TMEM132B: variants seen among roughly 807,000 people sequenced by gnomAD.
TMEM132B encodes transmembrane protein 132B.
A neutral mutation model predicts 90.8 loss-of-function variants in TMEM132B; 18 were observed. That is an observed-to-expected ratio of 0.20 (90% CI 0.14 to 0.29). The LOEUF (loss-of-function observed/expected upper bound fraction) is 0.29, where lower values mean the gene tolerates loss of function less well. Among genes scored for constraint, TMEM132B ranks in the 10% least tolerant of loss-of-function variants. The probability of loss-of-function intolerance (pLI) is 1.00; values close to 1 mark genes in which losing one functional copy is unlikely to be tolerated. For missense variants in TMEM132B, 1,096 were observed against 1,326.8 expected, an observed-to-expected ratio of 0.83 and a Z score of 2.70; for synonymous variants, 504 against 523.3, an observed-to-expected ratio of 0.96 and a Z score of 0.50.
chr12:125,502,588 G>A (rs987574397), intron 3 of TMEM132B, among the ~76,000 whole-genome samples: 17 of 152,328 alleles, frequency 1.1e-4, no homozygotes, highest in Admixed American at 3.9e-4. Flanking sequence ...CAGTACTCTC[G>A]CGTGTTCAGA....
intron 1 of TMEM132B, among the ~76,000 whole-genome samples, chr12:125,226,412 C>A (rs1342439780): frequency 1.3e-5 from 2 of 152,218 alleles, no homozygotes; most frequent in African/African-American, 4.8e-5. Context: ...GTCTTAAGCT[C>A]TATATACACA....
At chr12:125,366,653 A>G (rs1424009609) in intron 2 of TMEM132B, among the ~76,000 whole-genome samples, 1 of 152,136 alleles carries the variant, frequency 6.6e-6, no homozygotes, top group African/African-American at 2.4e-5. Context: ...GGACTTTTAA[A>G]TGTTTATCCT....
intron 1 of TMEM132B, among the ~76,000 whole-genome samples, chr12:125,297,648 G>A (rs1248484831): frequency 6.6e-6 from 1 of 152,162 alleles, no homozygotes; most frequent in Non-Finnish European, 1.5e-5. Context: ...GATGCTCAAG[G>A]GTGAGGTCCT....
At chr12:125,338,816 C>CT (rs1877069322) in intron 1 of TMEM132B, among the ~76,000 whole-genome samples, 2 of 152,076 alleles carry the variant, frequency 1.3e-5, no homozygotes, top group Non-Finnish European at 2.9e-5. Flanking sequence ...AGGTTTTTTC[C>CT]TTTTTGTACT....
intron 5 of TMEM132B, among the ~76,000 whole-genome samples, chr12:125,602,017 C>T (rs370269208): frequency 4.7e-4 from 71 of 152,266 alleles, no homozygotes; most frequent in Middle Eastern, 3.4e-3. Context: ...GATTCACAGC[C>T]GAATTCTACC....
intron 1 of TMEM132B, among the ~76,000 whole-genome samples, chr12:125,314,928 AGTCTGGGGGCACTGTCCT>A (rs1022863389): frequency 1.3e-5 from 2 of 151,914 alleles, no homozygotes; most frequent in African/African-American, 4.8e-5. Context: ...TGGAGAGGGG[AGTCTGGGGGCACTGTCCT>A]GTCTACACTT....
intron 1 of TMEM132B, chr12:125,326,486 T>G: frequency 4.2e-6 from 4 of 960,870 alleles, no homozygotes; most frequent in Non-Finnish European, 6.5e-6. Flanking sequence ...AGCTCTGACA[T>G]TCCGTTGTCC....
intron 3 of TMEM132B, among the ~76,000 whole-genome samples, chr12:125,432,180 C>G (rs976951193): frequency 1.3e-4 from 19 of 151,426 alleles, no homozygotes; most frequent in Non-Finnish European, 2.7e-4. Flanking sequence ...TGGGCAGACG[C>G]CATGGTCAGC....
At position 125,339,562 on chromosome 12, in the gene TMEM132B, G is replaced by C. The variant is rs1877104110; in HGVS notation, c.68-9890G>C. Reference sequence around the variant, plus strand: ...CCAATGCCCCCATCCTCAGTAAAAGGCAGAATGCTTGGTACTTCTCCCCAG... The same window carrying C: ...CCAATGCCCCCATCCTCAGTAAAAGCCAGAATGCTTGGTACTTCTCCCCAG... On this transcript the variant is annotated intron_variant, in intron 1 of 8. Coordinates refer to ENST00000682704, the MANE Select transcript of TMEM132B (RefSeq NM_001366854.1). 2.0e-5 allele frequency among the ~76,000 whole-genome samples: 3 copies of C among 152,296 alleles called. No individual in the cohort carries two copies. The South Asian group carries it at 6.2e-4, about 32-fold the overall frequency.
At chr12:125,242,175 G>A (rs1001632638) in intron 1 of TMEM132B, among the ~76,000 whole-genome samples, 3 of 152,100 alleles carry the variant, frequency 2.0e-5, no homozygotes, top group African/African-American at 7.2e-5. Context: ...TTTTGAGTCA[G>A]GGTCTCACTT....
intron 3 of TMEM132B, among the ~76,000 whole-genome samples, chr12:125,515,666 CTT>C (rs1883125801): frequency 2.0e-5 from 3 of 149,284 alleles, no homozygotes; most frequent in Non-Finnish European, 1.5e-5. Flanking sequence ...TTCACACATT[CTT>C]TCTCACACTC....
intron 3 of TMEM132B, among the ~76,000 whole-genome samples, chr12:125,477,051 A>T (rs1881901192): frequency 6.6e-6 from 1 of 152,178 alleles, no homozygotes; most frequent in African/African-American, 2.4e-5. Context: ...GGATGCTTAG[A>T]TGCTTATAAT....
chr12:125,532,319 ACT>A (rs1484761504), intron 4 of TMEM132B, among the ~76,000 whole-genome samples: 1 of 152,022 alleles, frequency 6.6e-6, no homozygotes, highest in Non-Finnish European at 1.5e-5. Flanking sequence ...ATTTTTAAAG[ACT>A]CTGTCAATAT....
At position 125,492,079 on chromosome 12, in the gene TMEM132B, C is replaced by G. The variant is rs1341464399; in HGVS notation, c.1107-27360C>G. ...AAAATTTAATCAAGGAGGATCAATA[C>G]TGCTTATGTGGAGTGAAAGTGGCCC... On this transcript the variant is annotated intron_variant, in intron 3 of 8. Coordinates refer to ENST00000682704, the MANE Select transcript of TMEM132B (RefSeq NM_001366854.1). This position sits in a 1 kb window ranked among gnomAD's most constrained non-coding sequence, Gnocchi z 5.8. Among the ~76,000 whole-genome samples, 1 of 152,146 alleles carries G rather than the reference C, an allele frequency of 6.6e-6. No individual in the cohort carries two copies. Among genetic ancestry groups the G allele is most frequent in the Non-Finnish European group, 1.5e-5 (1 of 68,036 alleles).
intron 1 of TMEM132B, among the ~76,000 whole-genome samples, chr12:125,219,552 C>A (rs1438271233): frequency 6.6e-6 from 1 of 152,156 alleles, no homozygotes; most frequent in Non-Finnish European, 1.5e-5. Flanking sequence ...CCTCTTCACA[C>A]CTCTGTTGTG....
chr12:125,493,762 A>C (rs1461655782), intron 3 of TMEM132B, among the ~76,000 whole-genome samples: 1 of 152,022 alleles, frequency 6.6e-6, no homozygotes, highest in Non-Finnish European at 1.5e-5. Context: ...GGCAGCAGGA[A>C]GGATGTACCC....
intron 1 of TMEM132B, among the ~76,000 whole-genome samples, chr12:125,248,043 A>G (rs1874243247): frequency 6.6e-6 from 1 of 152,218 alleles, no homozygotes; most frequent in Non-Finnish European, 1.5e-5. Flanking sequence ...ATGGCAGAAG[A>G]CTTTACATAA....
At chr12:125,224,020 G>T (rs1013154044) in intron 1 of TMEM132B, among the ~76,000 whole-genome samples, 1 of 152,068 alleles carries the variant, frequency 6.6e-6, no homozygotes. Context: ...CAGTTGATCC[G>T]CCTGCCTCAG....
intron 1 of TMEM132B, among the ~76,000 whole-genome samples, chr12:125,329,253 T>A (rs1876691506): frequency 6.6e-6 from 1 of 152,218 alleles, no homozygotes; most frequent in Non-Finnish European, 1.5e-5. Flanking sequence ...CGCCTTGATC[T>A]TGGTCTTCCA....
Sources: allele counts gnomAD v4.1 joint callset (sites outside exome capture counted in the v4.1 genomes callset), GRCh38; gene constraint gnomAD v4.1.1; non-coding constraint Gnocchi (gnomAD v3.1); transcripts MANE v1.5; gene names NCBI Gene and HGNC (gene_info 2026-07-23, HGNC 2026-07-21).